The following CRTC2 variants were observed in gnomAD, a reference collection of about 807,000 sequenced individuals.
The protein encoded by CRTC2 is CREB regulated transcription coactivator 2, also known as CREB-regulated transcription coactivator 2.
Under a neutral mutation model 70.9 loss-of-function variants are expected in CRTC2, and 25 were observed. That is an observed-to-expected ratio of 0.35 (90% CI 0.26 to 0.49). The LOEUF (loss-of-function observed/expected upper bound fraction) is 0.49. Ranked by LOEUF, CRTC2 falls within the 20% of genes least tolerant of loss-of-function variation. The pLI is 0.98. For missense variants in CRTC2, 737 were observed against 882.6 expected, an observed-to-expected ratio of 0.83 and a Z score of 2.09; for synonymous variants, 330 against 364.1, an observed-to-expected ratio of 0.91 and a Z score of 1.07.
At chr1:153,948,730 C>A in intron 12 of CRTC2, 86 bp from the exon 13 acceptor site, 1 of 1,434,012 alleles carries the variant, frequency 7.0e-7, no homozygotes, top group Non-Finnish European at 9.7e-7. Flanking sequence ...CTTTGCCCAG[C>A]AACCTTCATC....
chr1:153,957,978 C>T, intron 1 of CRTC2: 2 of 1,041,842 alleles, frequency 1.9e-6, no homozygotes, highest in Non-Finnish European at 1.2e-6. Context: ...AGCAGCCCTC[C>T]TCCCAGGCCA....
chr1:153,958,127 T>G (rs1246443957), intron 1 of CRTC2: 1 of 1,398,868 alleles, frequency 7.1e-7, no homozygotes, highest in Non-Finnish European at 9.3e-7. Flanking sequence ...CGGCCCCCAG[T>G]CGCCTCTACA....
Position 153,948,169 on chromosome 1 carries a change from G to A in CRTC2, c.2022C>T (p.Pro674=). Residue 674 remains proline (P), a synonymous_variant, in exon 14 of 14, where the codon CCC becomes CCT. Transcript: ENST00000368633. ...GLEGLNMLSD[P]CALLPDPAVE... is the part of the protein sequence containing the mutation. ...CAGCAGGATCAGGCAGCAGGGCACA[G>A]GGGTCACTCAGCATGTTTAGCCCTT... The A allele has an allele frequency of 6.2e-7, 1 of 1,614,228 alleles. No homozygotes were observed. The highest frequency in any genetic ancestry group is 8.5e-7 in the Non-Finnish European group (1 of 1,180,034).
At chr1:153,951,914 G>A (rs1680343899) in intron 10 of CRTC2, 104 bp downstream of exon 10, 13 of 1,434,146 alleles carry the variant, frequency 9.1e-6, no homozygotes, top group South Asian at 3.9e-5. Context: ...GGTGACAGGC[G>A]GTGTGGGTGA....
intron 10 of CRTC2, 68 bp downstream of exon 10, chr1:153,951,950 A>G: frequency 5.8e-6 from 9 of 1,560,190 alleles, no homozygotes; most frequent in Non-Finnish European, 7.8e-6. Context: ...AGGTGCTCAA[A>G]CCTACCTCCC....
In CRTC2 at chr1:153,953,294, A is replaced by G. The variant is rs1346698083; in HGVS notation, c.579T>C (p.Pro193=). The change falls in exon 6 of 14, where the codon CCT becomes CCC. Residue 193 remains proline, a synonymous_variant. Coordinates refer to ENST00000368633, the MANE Select transcript of CRTC2 (RefSeq NM_181715.3). ...CACGTCGGCTGGGCAGGATGCTGGG[A>G]GGTGTGGGGCCTGGGTAGGTATCCT... The part of the protein sequence containing the change: ...SPQDTYPGPT[P]PSILPSRRGG... 6.3e-7 allele frequency: 1 copy of G among 1,594,428 alleles called. No individual in the cohort carries two copies. The highest frequency in any genetic ancestry group is 1.8e-5 in the Admixed American group (1 of 54,702).
Position 153,949,107 on chromosome 1 carries a change from G to T in CRTC2, c.1674+8C>A. The T allele has an allele frequency of 6.2e-7, 1 of 1,603,116 alleles. No individual in the cohort carries two copies. The highest frequency in any genetic ancestry group is 8.5e-7 in the Non-Finnish European group (1 of 1,173,934). ...CCCTGCTTTTGAGCAAGGAGCCTGA[G>T]TACTCACATTCCCCAGGTTGAAGTC... is the stretch of plus-strand genomic sequence containing the variant. On this transcript the variant is annotated splice_region_variant and intron_variant, in intron 12 of 13. Transcript: ENST00000368633.
chr1:153,957,257 A>G (rs890553889), intron 1 of CRTC2, among the ~76,000 whole-genome samples: 5 of 152,116 alleles, frequency 3.3e-5, no homozygotes, highest in African/African-American at 9.7e-5. Context: ...ACACACAAAA[A>G]TACAACCAGA....
chr1:153,948,498 G>A lies in CRTC2; in HGVS notation c.1821C>T (p.His607=), dbSNP rs1680141060. 1 of 1,610,752 alleles carries A rather than the reference G, an allele frequency of 6.2e-7. No individual in the cohort carries two copies. The change falls in exon 13 of 14, where the codon CAC becomes CAT. Residue 607 remains histidine, a synonymous_variant. Transcript: ENST00000368633. ...TAGGCCCTGAGCCATGGCGGGAACA[G>A]TGGGTCAAGTTCTGGTGGTTGAAGG... ...PHTFNHQNLT[H]CSRHGSGPNI...
intron 11 of CRTC2, among the ~76,000 whole-genome samples, chr1:153,950,068 GACT>G (rs1297334315): frequency 6.6e-6 from 1 of 152,152 alleles, no homozygotes; most frequent in Non-Finnish European, 1.5e-5. Context: ...CAGTAGCCAG[GACT>G]ACAAGCGTGC....
intron 9 of CRTC2, 33 bp downstream of exon 9, chr1:153,952,364 C>A (rs1172343380): frequency 6.2e-7 from 1 of 1,612,590 alleles, no homozygotes; most frequent in Non-Finnish European, 8.5e-7. Context: ...ACTTCCTTCC[C>A]CCACCTCTCA....
At chr1:153,948,833 C>T in intron 12 of CRTC2, 189 bp from the exon 13 acceptor site, 1 of 760,702 alleles carries the variant, frequency 1.3e-6, no homozygotes, top group South Asian at 1.5e-5. Context: ...GGGCACCGTA[C>T]CTGCTGGGCC....
intron 1 of CRTC2, among the ~76,000 whole-genome samples, chr1:153,955,642 C>T (rs1259060323): frequency 6.7e-6 from 1 of 149,414 alleles, no homozygotes; most frequent in Non-Finnish European, 1.5e-5. Context: ...TATGTCACTC[C>T]ACTCTAGCCG....
At chr1:153,952,547 T>C (rs1472526998) in intron 8 of CRTC2, 24 bp downstream of exon 8, 1 of 1,613,526 alleles carries the variant, frequency 6.2e-7, no homozygotes, top group Admixed American at 1.7e-5. Context: ...GACTAGTGGG[T>C]GACACCCGGT....
intron 1 of CRTC2, among the ~76,000 whole-genome samples, chr1:153,956,015 A>G (rs1231365952): frequency 6.6e-6 from 1 of 152,218 alleles, no homozygotes; most frequent in African/African-American, 2.4e-5. Flanking sequence ...ATTAAGAGGA[A>G]GGCCACAGGT....
In CRTC2 at chr1:153,951,240, G is replaced by T; in HGVS notation, c.1404+20C>A. Reference sequence around the variant, plus strand: ...AAAAGGGAAGGGAGACAGACATGCAGGGAAGGCAGCCACGCATACCTGAGT... The same window carrying T: ...AAAAGGGAAGGGAGACAGACATGCATGGAAGGCAGCCACGCATACCTGAGT... On this transcript the variant is annotated intron_variant, in intron 11 of 13. Transcript: ENST00000368633. 6.2e-7 allele frequency: 1 copy of T among 1,612,428 alleles called. No individual in the cohort carries two copies. The highest frequency in any genetic ancestry group is 8.5e-7 in the Non-Finnish European group (1 of 1,179,186).
Position 153,948,658 on chromosome 1 carries a change from G to A in CRTC2, c.1675-14C>T, listed in dbSNP as rs774878648. The A allele has an allele frequency of 2.0e-5, 31 of 1,570,198 alleles. No individual in the cohort carries two copies. Among genetic ancestry groups the A allele is most frequent in the Non-Finnish European group, 2.7e-5 (31 of 1,159,054 alleles). ...GAACTGCTCCAGCTATAGACATACA[G>A]ACAAATCTTTAGGAAGTAGGATTTA... is the stretch of plus-strand genomic sequence containing the variant. On this transcript the variant is annotated splice_polypyrimidine_tract_variant and intron_variant, in intron 12 of 13. Coordinates refer to ENST00000368633, the MANE Select transcript of CRTC2 (RefSeq NM_181715.3).
rs201074976 is a variant in CRTC2 at position 153,958,305 on chromosome 1, C to T, written c.153+40G>A. 182 of 1,598,738 alleles carry T rather than the reference C, an allele frequency of 1.1e-4. 4 individuals carry two copies. In the East Asian group the frequency reaches 1.8e-3, roughly 16 times the overall value. ...CGCCTCTCCGGTCTCCGCTCCGTAA[C>T]TGCTCAGCTCTGCTCCGGCTCCCCG... On this transcript the variant is annotated intron_variant, in intron 1 of 13. Coordinates refer to ENST00000368633, the MANE Select transcript of CRTC2 (RefSeq NM_181715.3).
At chr1:153,952,517 T>TG (rs1443842203) in intron 8 of CRTC2, 54 bp downstream of exon 8, 1 of 1,612,538 alleles carries the variant, frequency 6.2e-7, no homozygotes, top group African/African-American at 1.3e-5. Flanking sequence ...GCCTGCCCCA[T>TG]GGCAAGGGGA....
Sources: allele counts gnomAD v4.1 joint callset (sites outside exome capture counted in the v4.1 genomes callset), GRCh38; gene constraint gnomAD v4.1.1; transcripts MANE v1.5; gene names NCBI Gene and HGNC (gene_info 2026-07-23, HGNC 2026-07-21).